USP28: variants seen among roughly 807,000 people sequenced by gnomAD.
USP28 encodes the protein ubiquitin specific peptidase 28, also known as ubiquitin carboxyl-terminal hydrolase 28.
A neutral mutation model predicts 145.0 loss-of-function variants in USP28; 113 were observed. The observed-to-expected ratio is 0.78, with a 90% CI of 0.67 to 0.91. The LOEUF (loss-of-function observed/expected upper bound fraction) is 0.91. Among genes scored for constraint, USP28 ranks in the 40% least tolerant of loss-of-function variants. USP28 has a pLI of 0.00. For missense variants in USP28, 1,201 were observed against 1,289.6 expected (o/e 0.93, Z 1.05); for synonymous variants, 447 against 450.9 (o/e 0.99, Z 0.11).
intron 3 of USP28, among the ~76,000 whole-genome samples, chr11:113,849,129 T>C (rs1279752350): frequency 6.6e-6 from 1 of 152,136 alleles, no homozygotes; most frequent in Admixed American, 6.5e-5. Flanking sequence ...ACAATGGAAA[T>C]GGTTTATACA....
chr11:113,840,774 G>A lies in USP28; in HGVS notation c.375-17C>T. 6.3e-7 allele frequency: 1 copy of A among 1,597,242 alleles called. No homozygotes were observed. Among genetic ancestry groups the A allele is most frequent in the Non-Finnish European group, 8.5e-7 (1 of 1,172,150 alleles). On this transcript the variant is annotated splice_polypyrimidine_tract_variant and intron_variant, in intron 4 of 24. Coordinates refer to ENST00000003302, the Ensembl canonical transcript of USP28. ...TCATGCATCCTATATTGTGCAGCGT[G>A]CCACACAGCAAAAAAGAAAATAGTT...
chr11:113,868,026 T>C (rs1238622647), intron 1 of USP28, among the ~76,000 whole-genome samples: 1 of 152,140 alleles, frequency 6.6e-6, no homozygotes, highest in Non-Finnish European at 1.5e-5. Context: ...TTTTGACCCC[T>C]GTTTTACGTA....
chr11:113,868,745 A>AC (rs539504377), intron 1 of USP28, among the ~76,000 whole-genome samples: 94 of 151,398 alleles, frequency 6.2e-4, no homozygotes, highest in African/African-American at 1.7e-3. Context: ...ACATAAAGAG[A>AC]CCCCCCATCT....
exon 16 of USP28, chr11:113,812,495 G>A (rs747036361): frequency 8.7e-6 from 14 of 1,613,738 alleles, no homozygotes; most frequent in Middle Eastern, 3.3e-4. Context: ...GCATGCAAGC[G>A]ATAAGGCACC....
chr11:113,833,601 G>T, intron 6 of USP28, 44 bp from the exon 7 acceptor site: 1 of 1,567,178 alleles, frequency 6.4e-7, no homozygotes, highest in Non-Finnish European at 8.6e-7. Flanking sequence ...ATCTCATTTA[G>T]AAAATCAGAA....
chr11:113,848,213 A>G (rs1336323324), intron 3 of USP28, among the ~76,000 whole-genome samples: 1 of 152,230 alleles, frequency 6.6e-6, no homozygotes, highest in Non-Finnish European at 1.5e-5. Flanking sequence ...ACATTTTAAT[A>G]CAGCACTACC....
At chr11:113,816,449 G>T (rs1487791281) in intron 13 of USP28, among the ~76,000 whole-genome samples, 1 of 152,122 alleles carries the variant, frequency 6.6e-6, no homozygotes, top group Non-Finnish European at 1.5e-5. Flanking sequence ...GAAGGCGGAG[G>T]TTGCAGTGAG....
chr11:113,875,421 C>G, intron 1 of USP28, 24 bp downstream of exon 1: 1 of 1,238,882 alleles, frequency 8.1e-7, no homozygotes, highest in South Asian at 2.4e-5. Flanking sequence ...GCCCCCAGCT[C>G]CCGCTCGCCG....
intron 12 of USP28, 51 bp from the exon 13 acceptor site, chr11:113,817,888 T>C: frequency 6.3e-7 from 1 of 1,581,122 alleles, no homozygotes; most frequent in Non-Finnish European, 8.6e-7. Context: ...TTTTGTATTT[T>C]AAGAGTCGCT....
intron 18 of USP28, 56 bp downstream of exon 19, chr11:113,807,895 G>A: frequency 1.0e-6 from 1 of 981,370 alleles, no homozygotes; most frequent in Non-Finnish European, 1.2e-6. Context: ...ATAGTCACAA[G>A]AGAAGGAAAT....
At chr11:113,823,017 G>A (rs544982003) in intron 12 of USP28, among the ~76,000 whole-genome samples, 10 of 152,252 alleles carry the variant, frequency 6.6e-5, no homozygotes, top group East Asian at 1.9e-4. Flanking sequence ...TTTCTTAAGC[G>A]CAAAATCAAC....
intron 10 of USP28, among the ~76,000 whole-genome samples, chr11:113,828,221 T>C (rs1388971680): frequency 6.6e-6 from 1 of 152,232 alleles, no homozygotes; most frequent in East Asian, 1.9e-4. Context: ...TGAGACCACC[T>C]CAGGGTGAAA....
chr11:113,874,661 A>C (rs547931550), intron 1 of USP28: 3 of 1,266,760 alleles, frequency 2.4e-6, no homozygotes, highest in Non-Finnish European at 3.1e-6. Context: ...AAGTTATAAC[A>C]TTCCGAAGTA....
intron 23 of USP28, among the ~76,000 whole-genome samples, chr11:113,801,963 G>T (rs56225471): frequency 0.013 from 2,010 of 152,292 alleles, 44 homozygotes; most frequent in African/African-American, 0.046. Flanking sequence ...CTTAACACCT[G>T]TTTCAACCAA....
intron 11 of USP28, 96 bp from the exon 12 acceptor site, chr11:113,823,796 G>T: frequency 1.1e-6 from 1 of 915,522 alleles, no homozygotes; most frequent in African/African-American, 1.7e-5. Flanking sequence ...TCTTCAATCA[G>T]ATATAGGGCA....
chr11:113,838,175 C>G (rs1210771684), intron 5 of USP28, among the ~76,000 whole-genome samples: 2 of 152,188 alleles, frequency 1.3e-5, no homozygotes, highest in African/African-American at 2.4e-5. Context: ...CATCTGCTGG[C>G]TCTTGTCCAC....
chr11:113,874,294 A>G (rs1018653234), intron 1 of USP28, among the ~76,000 whole-genome samples: 7 of 151,684 alleles, frequency 4.6e-5, no homozygotes, highest in African/African-American at 1.5e-4. Context: ...TCTACTAAAA[A>G]TACAAAAATT....
intron 12 of USP28, 78 bp downstream of exon 12, chr11:113,823,527 T>C: frequency 8.8e-7 from 1 of 1,141,156 alleles, no homozygotes; most frequent in East Asian, 2.6e-5. Flanking sequence ...AAACGTTGAG[T>C]TAATTTTTAA....
intron 18 of USP28, chr11:113,807,965 C>A: frequency 1.8e-6 from 2 of 1,130,692 alleles, no homozygotes; most frequent in Non-Finnish European, 2.2e-6. Flanking sequence ...TCATCATATC[C>A]ATCTGCATCA....
Sources: allele counts gnomAD v4.1 joint callset (sites outside exome capture counted in the v4.1 genomes callset), GRCh38; gene constraint gnomAD v4.1.1; transcripts MANE v1.5; gene names NCBI Gene and HGNC (gene_info 2026-07-23, HGNC 2026-07-21).